UCK2: variants seen among roughly 807,000 people sequenced by gnomAD.
UCK2 encodes the protein cytidine monophosphokinase 2.
UCK2 carries 6 observed loss-of-function variants against 30.8 expected under a neutral mutation model. That is an observed-to-expected ratio of 0.19 (90% CI 0.11 to 0.38). The LOEUF is 0.38. Ranked by LOEUF, UCK2 falls within the 10% of genes least tolerant of loss-of-function variation. The pLI is 1.00. For synonymous variants in UCK2, 125 were observed against 133.6 expected, an observed-to-expected ratio of 0.94 and a Z score of 0.45; for missense variants, 210 against 339.8, an observed-to-expected ratio of 0.62 and a Z score of 3.00.
chr1:165,866,141 G>A (rs1453474637), intron 1 of UCK2, among the ~76,000 whole-genome samples: 11 of 152,200 alleles, frequency 7.2e-5, no homozygotes, highest in African/African-American at 2.2e-4. Flanking sequence ...AGTATAGGCT[G>A]TGCTCTTAGC....
chr1:165,884,114 A>C (rs1655563217), intron 1 of UCK2, among the ~76,000 whole-genome samples: 1 of 145,996 alleles, frequency 6.8e-6, no homozygotes, highest in Non-Finnish European at 1.5e-5. Flanking sequence ...AGTGACAGGG[A>C]AAGCTACTGC....
At chr1:165,833,061 G>A (rs749881538) in intron 1 of UCK2, among the ~76,000 whole-genome samples, 3 of 152,182 alleles carry the variant, frequency 2.0e-5, no homozygotes, top group Non-Finnish European at 2.9e-5. Flanking sequence ...CCGTGAGTCA[G>A]CATCTGCTTT....
intron 1 of UCK2, among the ~76,000 whole-genome samples, chr1:165,874,037 C>T (rs1655270911): frequency 1.3e-5 from 2 of 152,212 alleles, no homozygotes; most frequent in South Asian, 4.1e-4. Context: ...CTTATCATTA[C>T]CAGTAATTGC....
chr1:165,895,691 C>A, intron 3 of UCK2: 1 of 974,316 alleles, frequency 1.0e-6, no homozygotes, highest in Non-Finnish European at 1.2e-6. Context: ...TCCTTCCCTT[C>A]CCCTTCTGTC....
rs143196695 is a variant in UCK2 at position 165,895,177 on chromosome 1, G to A, written c.357-1013G>A. ...GCCTGTAATCCTAGCACTTTGGGAGGCTGAGGTGGGTGGGTTGCATGAGTC... is the reference window on the plus strand; with the variant it reads ...GCCTGTAATCCTAGCACTTTGGGAGACTGAGGTGGGTGGGTTGCATGAGTC... On this transcript the variant is annotated intron_variant, in intron 3 of 6. Coordinates refer to ENST00000367879, the MANE Select transcript of UCK2 (RefSeq NM_012474.5). Among the ~76,000 whole-genome samples the A allele has an allele frequency of 5.9e-5, 9 of 152,312 alleles. No homozygotes were observed. The East Asian group carries it at 1.7e-3, about 29-fold the overall frequency.
chr1:165,891,378 G>C (rs1015669959), intron 3 of UCK2, 56 bp downstream of exon 3: 3 of 1,513,666 alleles, frequency 2.0e-6, no homozygotes, highest in African/African-American at 1.4e-5. Flanking sequence ...GAGCATCCCT[G>C]GTCTGCACTG....
chr1:165,877,718 T>C (rs1655374781), intron 1 of UCK2, among the ~76,000 whole-genome samples: 1 of 152,200 alleles, frequency 6.6e-6, no homozygotes, highest in Admixed American at 6.5e-5. Flanking sequence ...TCTATGAACA[T>C]TTGTGTATGT....
intron 4 of UCK2, chr1:165,902,902 A>G (rs1647529941): frequency 7.8e-6 from 2 of 257,528 alleles, no homozygotes; most frequent in South Asian, 1.6e-4. Context: ...TTTGGAGCAA[A>G]TGTTGCTTGA....
chr1:165,845,463 C>CT (rs1200966413), intron 1 of UCK2, among the ~76,000 whole-genome samples: 3 of 152,108 alleles, frequency 2.0e-5, no homozygotes, highest in African/African-American at 7.2e-5. Flanking sequence ...GGGAAACAGA[C>CT]TTTTTTTCTT....
At chr1:165,832,690 C>T (rs773387756) in intron 1 of UCK2, among the ~76,000 whole-genome samples, 4 of 151,978 alleles carry the variant, frequency 2.6e-5, no homozygotes, top group Non-Finnish European at 4.4e-5. Flanking sequence ...CTCACTACAA[C>T]TCCTGCGATT....
At chr1:165,849,924 C>T (rs1294886841) in intron 1 of UCK2, among the ~76,000 whole-genome samples, 1 of 152,086 alleles carries the variant, frequency 6.6e-6, no homozygotes, top group Non-Finnish European at 1.5e-5. Flanking sequence ...GTCATCTTCT[C>T]TGTAAATTAG....
chr1:165,888,998 T>C (rs899984918), intron 1 of UCK2, among the ~76,000 whole-genome samples: 1 of 152,230 alleles, frequency 6.6e-6, no homozygotes, highest in African/African-American at 2.4e-5. Flanking sequence ...CAGACACATG[T>C]ATTACTATCT....
chr1:165,876,840 A>G (rs1157105240), intron 1 of UCK2, among the ~76,000 whole-genome samples: 3 of 152,132 alleles, frequency 2.0e-5, no homozygotes, highest in African/African-American at 4.8e-5. Flanking sequence ...CATTTCTTGT[A>G]TCACCCCAGT....
intron 1 of UCK2, among the ~76,000 whole-genome samples, chr1:165,884,726 C>G (rs1300332755): frequency 6.6e-6 from 1 of 152,220 alleles, no homozygotes; most frequent in East Asian, 1.9e-4. Context: ...GCTGTCAGAG[C>G]CACCTCCAGG....
chr1:165,893,459 C>T (rs937647527), intron 3 of UCK2, among the ~76,000 whole-genome samples: 3 of 152,216 alleles, frequency 2.0e-5, no homozygotes, highest in Non-Finnish European at 4.4e-5. Context: ...CTTAATTGGA[C>T]ATCGAGCCAT....
At chr1:165,882,856 C>T (rs190514870) in intron 1 of UCK2, among the ~76,000 whole-genome samples, 52 of 152,202 alleles carry the variant, frequency 3.4e-4, no homozygotes, top group African/African-American at 1.1e-3. Flanking sequence ...GACACAGTCT[C>T]GCTCTGTCAC....
At chr1:165,904,694 G>A (rs1429566695) in intron 5 of UCK2, among the ~76,000 whole-genome samples, 1 of 152,194 alleles carries the variant, frequency 6.6e-6, no homozygotes, top group East Asian at 1.9e-4. Flanking sequence ...ATAAATGTCT[G>A]CTCAGTTCAA....
At chr1:165,835,353 AAATT>A (rs540305344) in intron 1 of UCK2, among the ~76,000 whole-genome samples, 34 of 151,172 alleles carry the variant, frequency 2.2e-4, no homozygotes, top group African/African-American at 8.3e-4. Flanking sequence ...TGTATTTTTA[AAATT>A]AGTTATTATT....
At chr1:165,863,889 T>C (rs1025630705) in intron 1 of UCK2, among the ~76,000 whole-genome samples, 1 of 152,244 alleles carries the variant, frequency 6.6e-6, no homozygotes, top group East Asian at 1.9e-4. Flanking sequence ...ATATCACTTA[T>C]ATAACGTATT....
Sources: allele counts gnomAD v4.1 joint callset (sites outside exome capture counted in the v4.1 genomes callset), GRCh38; gene constraint gnomAD v4.1.1; transcripts MANE v1.5; gene names NCBI Gene and HGNC (gene_info 2026-07-23, HGNC 2026-07-21).